CCDC178: variants seen among roughly 807,000 people sequenced by gnomAD.
The protein encoded by CCDC178 is coiled-coil domain-containing protein 178.
A neutral mutation model predicts 117.4 loss-of-function variants in CCDC178; 126 were observed. The observed-to-expected ratio is 1.07, with a 90% confidence interval of 0.93 to 1.24. CCDC178 has a LOEUF of 1.24. Among genes scored for constraint, CCDC178 ranks in the 50% most tolerant of loss-of-function variants. The probability of loss-of-function intolerance (pLI) is 0.00; values close to 1 mark genes in which losing one functional copy is unlikely to be tolerated. For missense variants in CCDC178, 1,030 were observed against 986.9 expected (o/e 1.04, Z -0.59); for synonymous variants, 283 against 313.4 (o/e 0.90, Z 1.02).
At chr18:33,432,754 T>C (rs993103941) in intron 2 of CCDC178, among the ~76,000 whole-genome samples, 5 of 152,232 alleles carry the variant, frequency 3.3e-5, no homozygotes, top group Admixed American at 3.3e-4. Context: ...ATATTTTTTT[T>C]AATTGCACGG....
In CCDC178 at chr18:33,356,347, C is replaced by A; in HGVS notation, c.349-1G>T. 6.8e-7 allele frequency: 1 copy of A among 1,480,806 alleles called. No individual in the cohort carries two copies. 91.7% of individuals were successfully genotyped at this position (1,480,806 alleles called of 1,614,324 possible). A position where few individuals can be genotyped will look rare whatever the true frequency, so the allele number is the denominator to read the frequency against. On this transcript the variant is annotated splice_acceptor_variant, in intron 6 of 22. Transcript: ENST00000383096. LOFTEE classifies it high-confidence loss of function. ...ACCATTCTTCAAAAGAAGTTTCAAA[C>A]TGTCAAAACAAAAGATCTCAATAAA... is the stretch of plus-strand genomic sequence containing the variant.
rs756745880 is a variant in CCDC178, at chr18:33,307,607, T to G, written c.1023-14295A>C. On this transcript the variant is annotated intron_variant, in intron 11 of 22. Coordinates refer to ENST00000383096, the MANE Select transcript of CCDC178 (RefSeq NM_001105528.4). Reference sequence around the variant, plus strand: ...ACATTTGCATAAGTAACAATACATTTGGGAAAATGTCTCCAGGGCATGTCA... The same window carrying G: ...ACATTTGCATAAGTAACAATACATTGGGGAAAATGTCTCCAGGGCATGTCA... 8.9e-4 allele frequency among the ~76,000 whole-genome samples: 135 copies of G among 152,088 alleles called. 1 individual carries two copies. The highest frequency in any genetic ancestry group is 1.7e-3 in the Non-Finnish European group (117 of 67,998).
intron 21 of CCDC178, among the ~76,000 whole-genome samples, chr18:33,024,484 T>A (rs2144839172): frequency 6.6e-6 from 1 of 152,262 alleles, no homozygotes; most frequent in South Asian, 2.1e-4. Context: ...ACCCATATTA[T>A]CTCATTTAAC....
In CCDC178 at chr18:33,077,781, G is replaced by A. The variant is rs568049541; in HGVS notation, c.2388+14980C>T. ...AATAACAAGTTCCAAAATTGAATCA[G>A]TAATAAATAGCCTACCAATCAAAAA... On this transcript the variant is annotated intron_variant, in intron 21 of 22. Coordinates refer to ENST00000383096, the MANE Select transcript of CCDC178 (RefSeq NM_001105528.4). 4.6e-5 allele frequency among the ~76,000 whole-genome samples: 7 copies of A among 152,232 alleles called. No individual in the cohort carries two copies. The East Asian group carries it at 1.2e-3, about 25-fold the overall frequency.
intron 20 of CCDC178, among the ~76,000 whole-genome samples, chr18:33,127,670 G>A (rs182940915): frequency 9.9e-5 from 15 of 152,182 alleles, no homozygotes; most frequent in African/African-American, 2.9e-4. Context: ...TCCTGATCTC[G>A]TAATCCACCT....
chr18:33,333,960 C>A (rs957504004), intron 9 of CCDC178, among the ~76,000 whole-genome samples: 1 of 151,404 alleles, frequency 6.6e-6, no homozygotes, highest in Non-Finnish European at 1.5e-5. Flanking sequence ...ATATTCTGAC[C>A]ATTCTATAAA....
intron 21 of CCDC178, among the ~76,000 whole-genome samples, chr18:33,068,419 A>T (rs988040116): frequency 6.6e-6 from 1 of 152,208 alleles, no homozygotes; most frequent in African/African-American, 2.4e-5. Flanking sequence ...AAAAATCTTC[A>T]ACAAAATACT....
chr18:33,240,166 A>C (rs2059470492), intron 15 of CCDC178, among the ~76,000 whole-genome samples: 1 of 151,886 alleles, frequency 6.6e-6, no homozygotes. Flanking sequence ...ATTAAGAATA[A>C]AATTGAAAAA....
chr18:33,274,593 G>A (rs1463944936), intron 12 of CCDC178, among the ~76,000 whole-genome samples: 2 of 151,970 alleles, frequency 1.3e-5, no homozygotes, highest in African/African-American at 4.8e-5. Context: ...AATACTGACA[G>A]ACTCTACTAC....
chr18:33,322,438 G>C (rs182140975), intron 11 of CCDC178, among the ~76,000 whole-genome samples: 15 of 151,864 alleles, frequency 9.9e-5, no homozygotes, highest in African/African-American at 3.4e-4. Flanking sequence ...AAGAATGAAT[G>C]TTATTCTCAA....
chr18:33,086,481 G>T (rs1040818459), intron 21 of CCDC178, among the ~76,000 whole-genome samples: 7 of 150,232 alleles, frequency 4.7e-5, no homozygotes, highest in Non-Finnish European at 1.0e-4. Flanking sequence ...GAGAGAGAGA[G>T]AATAATATTT....
chr18:32,948,653 T>C (rs1296371092), intron 22 of CCDC178, among the ~76,000 whole-genome samples: 1 of 152,132 alleles, frequency 6.6e-6, no homozygotes, highest in Non-Finnish European at 1.5e-5. Flanking sequence ...TAAAAAACGG[T>C]ATAAAACCAG....
intron 22 of CCDC178, among the ~76,000 whole-genome samples, chr18:32,966,435 C>T (rs1568186285): frequency 6.6e-6 from 1 of 151,938 alleles, no homozygotes; most frequent in African/African-American, 2.4e-5. Flanking sequence ...GCCTGGAAAA[C>T]TAAAAATATT....
intron 12 of CCDC178, among the ~76,000 whole-genome samples, chr18:33,285,764 C>T (rs181779657): frequency 6.6e-6 from 1 of 152,150 alleles, no homozygotes; most frequent in Admixed American, 6.5e-5. Flanking sequence ...ATGTAAACTG[C>T]TTTTATAATC....
chr18:33,351,663 CT>C (rs962077300), intron 7 of CCDC178, among the ~76,000 whole-genome samples: 1 of 152,188 alleles, frequency 6.6e-6, no homozygotes, highest in South Asian at 2.1e-4. Context: ...CAAACTCAGT[CT>C]CTGGAGTAGC....
intron 21 of CCDC178, among the ~76,000 whole-genome samples, chr18:33,049,661 G>A (rs1426365668): frequency 6.6e-6 from 1 of 152,108 alleles, no homozygotes; most frequent in Non-Finnish European, 1.5e-5. Flanking sequence ...TGAAAGACAA[G>A]CTTATTATTT....
chr18:33,076,228 C>T (rs907183748), intron 21 of CCDC178, among the ~76,000 whole-genome samples: 3 of 152,130 alleles, frequency 2.0e-5, no homozygotes, highest in Admixed American at 6.5e-5. Context: ...TGCTCAGTCC[C>T]GACAATCACT....
intron 20 of CCDC178, among the ~76,000 whole-genome samples, chr18:33,149,974 T>C (rs2058321532): frequency 6.6e-6 from 1 of 152,148 alleles, no homozygotes; most frequent in African/African-American, 2.4e-5. Context: ...GATATCACAT[T>C]ACCTGACTTC....
chr18:33,440,298 ACT>A (rs2064363321), intron 1 of CCDC178, among the ~76,000 whole-genome samples: 3 of 44,912 alleles, frequency 6.7e-5, no homozygotes, highest in East Asian at 1.1e-3. Context: ...GGACTGGGGG[ACT>A]GGGGGACTGG....
Sources: allele counts gnomAD v4.1 joint callset (sites outside exome capture counted in the v4.1 genomes callset), GRCh38; gene constraint gnomAD v4.1.1; transcripts MANE v1.5; gene names NCBI Gene and HGNC (gene_info 2026-07-23, HGNC 2026-07-21).